Variants in CCDC102B observed in about 807,000 individuals in gnomAD.
CCDC102B encodes coiled-coil domain-containing protein 102B.
Under a neutral mutation model 57.4 loss-of-function variants are expected in CCDC102B, and 75 were observed. The ratio of observed to expected loss-of-function variants is 1.31; its 90% CI spans 1.08 to 1.58. The LOEUF (loss-of-function observed/expected upper bound fraction) is 1.58. Ranked by LOEUF, CCDC102B falls within the 40% of genes most tolerant of loss-of-function variation. The pLI, the probability that CCDC102B is intolerant of heterozygous loss-of-function variation, is 0.00. For synonymous variants in CCDC102B, 206 were observed against 201.9 expected, an observed-to-expected ratio of 1.02 and a Z score of -0.17; for missense variants, 636 against 582.6, an observed-to-expected ratio of 1.09 and a Z score of -0.94.
intron 5 of CCDC102B, among the ~76,000 whole-genome samples, chr18:68,891,356 C>T (rs1376788316): frequency 6.6e-6 from 1 of 152,206 alleles, no homozygotes; most frequent in East Asian, 1.9e-4. Flanking sequence ...TATTGGGGTT[C>T]CCCTTTTCCT....
chr18:69,002,234 G>C (rs778827772), intron 6 of CCDC102B, among the ~76,000 whole-genome samples: 2 of 152,108 alleles, frequency 1.3e-5, no homozygotes, highest in African/African-American at 2.4e-5. Context: ...TTTCTTGCCC[G>C]CCCGACATGT....
intron 6 of CCDC102B, among the ~76,000 whole-genome samples, chr18:68,906,929 T>C (rs1399763233): frequency 1.3e-5 from 2 of 151,854 alleles, no homozygotes; most frequent in African/African-American, 4.9e-5. Context: ...TCTGATACTT[T>C]TATACTTTTA....
intron 6 of CCDC102B, among the ~76,000 whole-genome samples, chr18:69,002,531 G>A (rs1193491452): frequency 6.6e-6 from 1 of 152,104 alleles, no homozygotes; most frequent in Non-Finnish European, 1.5e-5. Flanking sequence ...CAAGGTTACT[G>A]AACTGCCAAA....
chr18:68,854,460 A>C (rs2038291746), intron 4 of CCDC102B, among the ~76,000 whole-genome samples: 1 of 152,214 alleles, frequency 6.6e-6, no homozygotes, highest in Non-Finnish European at 1.5e-5. Context: ...AATAATATTA[A>C]CAATAAGTTA....
chr18:68,888,048 C>G (rs960108469), intron 5 of CCDC102B, among the ~76,000 whole-genome samples: 2 of 151,962 alleles, frequency 1.3e-5, no homozygotes, highest in Admixed American at 6.6e-5. Flanking sequence ...ATGAATGTCA[C>G]TTGTGTTGAA....
chr18:69,009,890 A>G (rs2051455467), intron 6 of CCDC102B, among the ~76,000 whole-genome samples: 1 of 138,434 alleles, frequency 7.2e-6, no homozygotes, highest in South Asian at 2.4e-4. Context: ...ATGAAGAACC[A>G]GAGGCTAACT....
At chr18:69,006,181 C>T (rs1297212447) in intron 6 of CCDC102B, among the ~76,000 whole-genome samples, 1 of 152,002 alleles carries the variant, frequency 6.6e-6, no homozygotes, top group Non-Finnish European at 1.5e-5. Flanking sequence ...TCCAATAGTA[C>T]ATCTATATGA....
chr18:68,790,128 C>T (rs1274016204), intron 2 of CCDC102B, among the ~76,000 whole-genome samples: 1 of 150,020 alleles, frequency 6.7e-6, no homozygotes, highest in Non-Finnish European at 1.5e-5. Flanking sequence ...GGGTGCCTCC[C>T]AGTTAGGCTG....
intron 2 of CCDC102B, among the ~76,000 whole-genome samples, chr18:68,741,666 GTC>G (rs1491129717): frequency 2.2e-5 from 2 of 92,694 alleles, no homozygotes; most frequent in African/African-American, 8.3e-5. Context: ...GTGAAGACTG[GTC>G]ACACACACAC....
chr18:68,851,898 A>G (rs1208056941), intron 4 of CCDC102B, among the ~76,000 whole-genome samples: 1 of 152,192 alleles, frequency 6.6e-6, no homozygotes, highest in Admixed American at 6.5e-5. Flanking sequence ...TTTATTTTAT[A>G]TTTCAGATGA....
intron 6 of CCDC102B, among the ~76,000 whole-genome samples, chr18:68,940,627 TATAA>T (rs2049352806): frequency 6.6e-6 from 1 of 151,910 alleles, no homozygotes; most frequent in Admixed American, 6.6e-5. Context: ...TTTCTTTGTT[TATAA>T]AAAAGCTTAA....
chr18:68,766,968 C>T lies in CCDC102B; in HGVS notation c.-67+50374C>T, dbSNP rs191042264. 5.4e-3 allele frequency among the ~76,000 whole-genome samples: 813 copies of T among 151,440 alleles called. 2 individuals carry two copies. Among genetic ancestry groups the T allele is most frequent in the Non-Finnish European group, 7.3e-3 (495 of 67,756 alleles). ...AGATAAATGCTGTTTTTCCCCATTT[C>T]GTGGATAAGAATGTTAAAACAGAGA... On this transcript the variant is annotated intron_variant, in intron 2 of 3. Transcript: ENST00000578970.
intron 2 of CCDC102B, among the ~76,000 whole-genome samples, chr18:68,727,899 T>C (rs1159198954): frequency 6.6e-6 from 1 of 152,228 alleles, no homozygotes; most frequent in Non-Finnish European, 1.5e-5. Context: ...TTAATGGACT[T>C]TCAATTTGGT....
chr18:68,746,306 C>T (rs117238697), intron 2 of CCDC102B, among the ~76,000 whole-genome samples: 1,906 of 152,204 alleles, frequency 0.013, 17 homozygotes, highest in Non-Finnish European at 0.018. Flanking sequence ...GGTGATAAAA[C>T]ATTTGTAGAT....
chr18:68,870,346 C>G (rs1341118438), intron 4 of CCDC102B, among the ~76,000 whole-genome samples: 3 of 152,142 alleles, frequency 2.0e-5, no homozygotes, highest in Non-Finnish European at 4.4e-5. Context: ...TATCCCAGAA[C>G]TTAAAGTATA....
chr18:68,794,998 C>A (rs2035581927), upstream of CCDC102B, among the ~76,000 whole-genome samples: 1 of 138,330 alleles, frequency 7.2e-6, no homozygotes. Flanking sequence ...TCAGATTTTA[C>A]TGGTCATTAA....
chr18:68,947,816 C>G (rs1319887233), intron 6 of CCDC102B, among the ~76,000 whole-genome samples: 1 of 152,002 alleles, frequency 6.6e-6, no homozygotes, highest in African/African-American at 2.4e-5. Flanking sequence ...AGTATAATTT[C>G]TCTTCTCATT....
intron 5 of CCDC102B, among the ~76,000 whole-genome samples, chr18:68,875,174 A>G (rs1469503463): frequency 6.6e-6 from 1 of 152,174 alleles, no homozygotes; most frequent in Non-Finnish European, 1.5e-5. Context: ...TTGGAAGCTA[A>G]CAACAGTGAG....
chr18:69,039,824 C>T (rs993355963), intron 7 of CCDC102B, among the ~76,000 whole-genome samples: 5 of 149,856 alleles, frequency 3.3e-5, no homozygotes, highest in Non-Finnish European at 7.4e-5. Flanking sequence ...GAGGAATTTA[C>T]AGGAAATTAC....
Sources: allele counts gnomAD v4.1 joint callset (sites outside exome capture counted in the v4.1 genomes callset), GRCh38; gene constraint gnomAD v4.1.1; transcripts MANE v1.5; gene names NCBI Gene and HGNC (gene_info 2026-07-23, HGNC 2026-07-21).